Variants in ZNF454 observed in about 807,000 individuals in gnomAD.
The protein encoded by ZNF454 is zinc finger protein 454.
In ZNF454, 30 loss-of-function variants were observed where a neutral mutation model predicts 48.2. The ratio of observed to expected loss-of-function variants is 0.62; its 90% CI spans 0.47 to 0.84. ZNF454 has a LOEUF of 0.84. Among genes scored for constraint, ZNF454 ranks in the 40% least tolerant of loss-of-function variants. The pLI is 0.00. For missense variants in ZNF454, 510 were observed against 623.1 expected (o/e 0.82, Z 1.93); for synonymous variants, 204 against 211.4 (o/e 0.97, Z 0.30).
chr5:178,981,440 C>T, the ZNF454 span: 1 of 558,746 alleles, frequency 1.8e-6, no homozygotes, highest in Non-Finnish European at 3.2e-6. This position sits in a 1 kb window ranked among gnomAD's most constrained non-coding sequence, Gnocchi z 5.1. Context: ...GGAAGCGAGT[C>T]TGGTCTGTGG....
In ZNF454 at chr5:178,965,336, G is replaced by T; in HGVS notation, c.932G>T (p.Cys311Phe). Residue 311 changes from cysteine to phenylalanine, a missense_variant, in exon 5 of 5, where the codon TGC (cysteine) becomes TTC (phenylalanine). Transcript: ENST00000519564. The surrounding 1 kb of genome is among the most constrained non-coding windows in gnomAD (Gnocchi z 5.2). ...KCNICEKAFV[C>F]RAHLTKHQNI... ...AACATTTGTGAAAAAGCCTTTGTGT[G>T]CAGGGCACACCTTACCAAACACCAG... The T allele has an allele frequency of 6.2e-7, 1 of 1,614,136 alleles. No homozygotes were observed. Among genetic ancestry groups the T allele is most frequent in the Non-Finnish European group, 8.5e-7 (1 of 1,180,042 alleles).
At chr5:178,976,201 C>G in the ZNF454 span, 903 of 405,522 alleles carry the variant, frequency 2.2e-3, 5 homozygotes, top group African/African-American at 0.017. Flanking sequence ...TTCAAAATTG[C>G]AGCCATCCCC....
chr5:178,942,643 G>T, intron 1 of ZNF454, 42 bp from the exon 2 acceptor site: 1 of 779,640 alleles, frequency 1.3e-6, no homozygotes, highest in South Asian at 1.7e-5. Flanking sequence ...CCTCGCTCTG[G>T]ACTGCTGTAT....
In ZNF454 at chr5:178,946,994, T is replaced by A; in HGVS notation, c.250+8T>A. 1 of 1,613,048 alleles carries A rather than the reference T, an allele frequency of 6.2e-7. No individual in the cohort carries two copies. Among genetic ancestry groups the A allele is most frequent in the Non-Finnish European group, 8.5e-7 (1 of 1,179,460 alleles). On this transcript the variant is annotated splice_region_variant and intron_variant, in intron 4 of 4. Transcript: ENST00000519564. This position sits in a 1 kb window ranked among gnomAD's most constrained non-coding sequence, Gnocchi z 4.5. Reference sequence around the variant, plus strand: ...CTGGAGGCTTCTGTCTTGGTAAGAATCATGTGTGTGGGAGACACCGGGAGG... The same window carrying A: ...CTGGAGGCTTCTGTCTTGGTAAGAAACATGTGTGTGGGAGACACCGGGAGG...
At chr5:178,986,419 T>C in the ZNF454 span, 1 of 1,613,574 alleles carries the variant, frequency 6.2e-7, no homozygotes, top group Admixed American at 1.7e-5. Flanking sequence ...GATGGGCGTG[T>C]TGTTGTACCG....
At chr5:178,989,791 T>C in the ZNF454 span, 3 of 346,930 alleles carry the variant, frequency 8.6e-6, no homozygotes, top group African/African-American at 2.1e-5. Flanking sequence ...AGCAGCCATC[T>C]TGTGACTATG....
chr5:178,962,097 A>T (rs1284080563), intron 4 of ZNF454, among the ~76,000 whole-genome samples: 1 of 151,532 alleles, frequency 6.6e-6, no homozygotes, highest in Non-Finnish European at 1.5e-5. Context: ...TTTTATTTGT[A>T]TGGAAATATC....
the ZNF454 span, chr5:178,975,581 C>A: frequency 1.2e-4 from 33 of 272,930 alleles, no homozygotes; most frequent in African/African-American, 6.7e-4. Context: ...TTCATCAGAC[C>A]ATCTAACTGT....
the ZNF454 span, chr5:178,982,856 G>T: frequency 2.3e-6 from 3 of 1,282,628 alleles, no homozygotes; most frequent in South Asian, 3.6e-5. Flanking sequence ...TGAATGAATC[G>T]ACCAGCCTGA....
At chr5:178,981,412 T>C in the ZNF454 span, 2 of 542,300 alleles carry the variant, frequency 3.7e-6, no homozygotes, top group South Asian at 4.5e-5. This position sits in a 1 kb window ranked among gnomAD's most constrained non-coding sequence, Gnocchi z 5.1. Context: ...ACCTTCTCGG[T>C]GGCTGTTTCC....
At chr5:178,985,473 G>A in the ZNF454 span, among the ~76,000 whole-genome samples, 8 of 151,728 alleles carry the variant, frequency 5.3e-5, no homozygotes, top group Non-Finnish European at 8.8e-5. Flanking sequence ...GGAGGCCGAG[G>A]TGGGCGGATC....
chr5:178,955,514 T>C (rs939644706), intron 4 of ZNF454, among the ~76,000 whole-genome samples: 3 of 152,244 alleles, frequency 2.0e-5, no homozygotes, highest in African/African-American at 7.2e-5. Flanking sequence ...AAAGTTGTAT[T>C]ACTGGTATAA....
downstream of ZNF454, among the ~76,000 whole-genome samples, chr5:178,970,889 C>A (rs1760224197): frequency 6.6e-6 from 1 of 152,168 alleles, no homozygotes. Context: ...CTCTCTGTAG[C>A]CAGCCTGGCC....
At chr5:178,945,819 G>C (rs185277264) in intron 2 of ZNF454, among the ~76,000 whole-genome samples, 404 of 152,110 alleles carry the variant, frequency 2.7e-3, no homozygotes, top group Admixed American at 5.4e-3. Context: ...CAGATGCAGG[G>C]AAGGCCAAGA....
chr5:178,953,665 T>C (rs1407940270), intron 4 of ZNF454, among the ~76,000 whole-genome samples: 6 of 152,204 alleles, frequency 3.9e-5, no homozygotes, highest in South Asian at 2.1e-4. Context: ...ATGTCTTTTT[T>C]ACTCCCTGAC....
chr5:178,978,298 A>G, the ZNF454 span: 1 of 152,264 alleles, frequency 6.6e-6, no homozygotes, highest in East Asian at 1.9e-4. Flanking sequence ...ATATCTGTAT[A>G]AAGAAGCAAC....
At chr5:178,959,908 T>G (rs577919003) in intron 4 of ZNF454, among the ~76,000 whole-genome samples, 7 of 151,136 alleles carry the variant, frequency 4.6e-5, no homozygotes, top group African/African-American at 1.7e-4. Flanking sequence ...CCCGGCCCCT[T>G]TTTTTCTTTT....
the ZNF454 span, among the ~76,000 whole-genome samples, chr5:178,987,678 A>C: frequency 6.6e-6 from 1 of 152,126 alleles, no homozygotes; most frequent in Non-Finnish European, 1.5e-5. Context: ...GGAAGTGTTT[A>C]ATGCATACAG....
At position 178,964,669 on chromosome 5, in the gene ZNF454, C is replaced by G; in HGVS notation, c.265C>G (p.Pro89Ala). 3 of 1,612,508 alleles carry G rather than the reference C, an allele frequency of 1.9e-6. No homozygotes were observed. The highest frequency in any genetic ancestry group is 2.5e-6 in the Non-Finnish European group (3 of 1,178,652). The change falls in exon 5 of 5, where the codon CCT becomes GCT. Residue 89 changes from proline to alanine, a missense_variant. Physicochemically the swap from Pro to Ala is conservative, Grantham distance 27. Transcript: ENST00000519564. ...GGFCLDWMTM[P>A]ASKKSTVKAE... is the part of the protein sequence containing the mutation. ...ATGTCTTTCAGACTGGATGACTATG[C>G]CTGCCAGTAAGAAATCTACTGTCAA... is the stretch of plus-strand genomic sequence containing the variant.
Sources: gnomAD v4.1 joint callset for allele counts (sites outside exome capture counted in the v4.1 genomes callset) on GRCh38, gnomAD v4.1.1 for gene constraint, Gnocchi (gnomAD v3.1) non-coding constraint, MANE v1.5 for transcripts, NCBI Gene and HGNC (gene_info 2026-07-23, HGNC 2026-07-21) for gene names.